The following ESRRB variants were observed in gnomAD, a reference collection of about 807,000 sequenced individuals.
ESRRB encodes estrogen related receptor beta.
In ESRRB, 16 loss-of-function variants were observed where a neutral mutation model predicts 46.0. That is an observed-to-expected ratio of 0.35 (90% confidence interval 0.24 to 0.53). ESRRB has a LOEUF of 0.53. Among genes scored for constraint, ESRRB ranks in the 20% least tolerant of loss-of-function variants. ESRRB has a pLI of 0.93. For missense variants in ESRRB, 488 were observed against 607.4 expected, an observed-to-expected ratio of 0.80 and a Z score of 2.07; for synonymous variants, 246 against 259.6, an observed-to-expected ratio of 0.95 and a Z score of 0.50.
At chr14:76,432,142 G>C (rs1179921117) in intron 1 of ESRRB, among the ~76,000 whole-genome samples, 1 of 152,204 alleles carries the variant, frequency 6.6e-6, no homozygotes, top group Non-Finnish European at 1.5e-5. Flanking sequence ...GTTCTCAGCA[G>C]TTTTGCTCCC....
chr14:76,322,071 A>G (rs1442591303), intron 1 of ESRRB, among the ~76,000 whole-genome samples: 2 of 152,186 alleles, frequency 1.3e-5, no homozygotes, highest in East Asian at 1.9e-4. Context: ...ATTTACATGT[A>G]TATTGAACTC....
intron 1 of ESRRB, among the ~76,000 whole-genome samples, chr14:76,320,362 T>C (rs563796178): frequency 9.6e-4 from 146 of 152,328 alleles, no homozygotes; most frequent in Non-Finnish European, 1.6e-3. Flanking sequence ...CCACTTCATC[T>C]CTTTTGGCCT....
At chr14:76,345,600 T>C (rs1230857329) in intron 1 of ESRRB, among the ~76,000 whole-genome samples, 5 of 152,218 alleles carry the variant, frequency 3.3e-5, no homozygotes, top group African/African-American at 4.8e-5. Context: ...GGTGGGAATG[T>C]ACACTAGTAC....
intron 1 of ESRRB, among the ~76,000 whole-genome samples, chr14:76,418,831 G>T (rs1397062558): frequency 1.3e-5 from 2 of 151,228 alleles, no homozygotes; most frequent in East Asian, 2.0e-4. Flanking sequence ...GGCCAGGCTG[G>T]TCTCAAACTC....
At chr14:76,444,055 A>G (rs932948063) in intron 2 of ESRRB, among the ~76,000 whole-genome samples, 16 of 151,832 alleles carry the variant, frequency 1.1e-4, no homozygotes, top group African/African-American at 3.4e-4. Context: ...ACAAAGATTT[A>G]GGTTTTGTTG....
chr14:76,341,115 G>C (rs1432573782), intron 1 of ESRRB, among the ~76,000 whole-genome samples: 1 of 152,108 alleles, frequency 6.6e-6, no homozygotes, highest in East Asian at 1.9e-4. Flanking sequence ...CCTGCAAATG[G>C]GATTTTCTCT....
At chr14:76,406,512 G>A (rs1252248607) in intron 1 of ESRRB, among the ~76,000 whole-genome samples, 1 of 152,186 alleles carries the variant, frequency 6.6e-6, no homozygotes, top group South Asian at 2.1e-4. Context: ...TTGGGAGACT[G>A]AGGCAGGTGG....
At chr14:76,477,697 C>A (rs1352284594) in intron 3 of ESRRB, among the ~76,000 whole-genome samples, 2 of 152,182 alleles carry the variant, frequency 1.3e-5, no homozygotes, top group African/African-American at 4.8e-5. Flanking sequence ...AGACACATTT[C>A]ACATCAGGTG....
intron 1 of ESRRB, among the ~76,000 whole-genome samples, chr14:76,324,108 C>T (rs1883899984): frequency 6.6e-6 from 1 of 152,124 alleles, no homozygotes; most frequent in East Asian, 1.9e-4. Context: ...TGAGGGAGTG[C>T]TCTCTGGGGA....
chr14:76,314,707 C>T (rs955000917), intron 1 of ESRRB, among the ~76,000 whole-genome samples: 2 of 152,132 alleles, frequency 1.3e-5, no homozygotes, highest in African/African-American at 4.8e-5. Flanking sequence ...ACTCTCTGGT[C>T]TCCAGCCAGA....
intron 1 of ESRRB, among the ~76,000 whole-genome samples, chr14:76,381,781 T>C (rs1385310252): frequency 6.6e-6 from 1 of 152,156 alleles, no homozygotes; most frequent in Admixed American, 6.5e-5. Context: ...AGAGCTGGAC[T>C]GCTTTGGGTA....
At chr14:76,352,642 T>C (rs1210082919) in intron 1 of ESRRB, among the ~76,000 whole-genome samples, 1 of 152,202 alleles carries the variant, frequency 6.6e-6, no homozygotes, top group African/African-American at 2.4e-5. Flanking sequence ...TTTCTCTGAC[T>C]ATAAAGTGGA....
At chr14:76,369,426 A>G (rs1174279073), upstream of ESRRB, among the ~76,000 whole-genome samples, 1 of 151,460 alleles carries the variant, frequency 6.6e-6, no homozygotes, top group Admixed American at 6.6e-5. Flanking sequence ...GGCACACACC[A>G]CAGTGTGTGG....
At chr14:76,479,074 GTC>G (rs1889697906) in intron 3 of ESRRB, among the ~76,000 whole-genome samples, 1 of 152,186 alleles carries the variant, frequency 6.6e-6, no homozygotes, top group Non-Finnish European at 1.5e-5. Flanking sequence ...AAATCACCTT[GTC>G]TGATTCCTCT....
At chr14:76,426,652 C>T (rs901907378) in intron 1 of ESRRB, among the ~76,000 whole-genome samples, 1 of 152,122 alleles carries the variant, frequency 6.6e-6, no homozygotes, top group East Asian at 1.9e-4. Flanking sequence ...TATTGTCTCT[C>T]CTTGAGGACA....
chr14:76,412,682 G>A (rs185242943), intron 1 of ESRRB, among the ~76,000 whole-genome samples: 10 of 152,330 alleles, frequency 6.6e-5, no homozygotes. Flanking sequence ...ATAACTGCTG[G>A]ATTATGGAGT....
At chr14:76,385,308 C>T (rs1026132324) in intron 1 of ESRRB, among the ~76,000 whole-genome samples, 1 of 151,910 alleles carries the variant, frequency 6.6e-6, no homozygotes, top group Non-Finnish European at 1.5e-5. Context: ...CCAAGGAATG[C>T]AAGCAAGACT....
rs35762017 is a variant in ESRRB, at chr14:76,486,558, CTT to C, written c.850+3809_850+3810del. Among the ~76,000 whole-genome samples the C allele has an allele frequency of 3.1e-3, 457 of 149,238 alleles. 1 individual carries two copies. Among genetic ancestry groups the C allele is most frequent in the African/African-American group, 0.011 (445 of 40,738 alleles). ...AACTCCACTTGCCACAAATTACGTG[CTT>C]TTTTTTTTTCCCCCTTCAATTCTAG... On this transcript the variant is annotated intron_variant, in intron 5 of 6. Coordinates refer to ENST00000644823, the MANE Select transcript of ESRRB (RefSeq NM_001379180.1).
chr14:76,403,694 G>A (rs1032249964), intron 1 of ESRRB, among the ~76,000 whole-genome samples: 10 of 152,162 alleles, frequency 6.6e-5, no homozygotes, highest in African/African-American at 2.2e-4. Flanking sequence ...AGAGGTGGAG[G>A]TGGTGACAGG....
Sources: allele counts gnomAD v4.1 joint callset (sites outside exome capture counted in the v4.1 genomes callset), GRCh38; gene constraint gnomAD v4.1.1; transcripts MANE v1.5; gene names NCBI Gene and HGNC (gene_info 2026-07-23, HGNC 2026-07-21).